RANBP2: variants seen among roughly 807,000 people sequenced by gnomAD.
RANBP2 encodes RAN binding protein 2, also known as E3 SUMO-protein ligase RanBP2.
A neutral mutation model predicts 303.6 loss-of-function variants in RANBP2; 57 were observed. That is an observed-to-expected ratio of 0.19 (90% CI 0.15 to 0.23). RANBP2 has a LOEUF of 0.23. RANBP2 is among the 10% of genes least tolerant of loss of function. The pLI, the probability that RANBP2 is intolerant of heterozygous loss-of-function variation, is 1.00. For synonymous variants in RANBP2, 1,167 were observed against 1,301.5 expected (o/e 0.90, Z 2.23); for missense variants, 3,138 against 3,780.8 (o/e 0.83, Z 4.46).
chr2:109,615,203 CG>C, the RANBP2 span: 1 of 1,547,054 alleles, frequency 6.5e-7, no homozygotes. Flanking sequence ...GCGGCAGAGG[CG>C]GGGGCGACTC....
At chr2:109,189,908 T>A in the RANBP2 span, among the ~76,000 whole-genome samples, 3 of 152,172 alleles carry the variant, frequency 2.0e-5, no homozygotes, top group East Asian at 5.8e-4. Context: ...TTTCTGCACT[T>A]GATTGCCTAA....
the RANBP2 span, chr2:108,884,677 T>A: frequency 6.6e-6 from 1 of 152,148 alleles, no homozygotes; most frequent in African/African-American, 2.4e-5. Context: ...ATGCCACAGC[T>A]CTCCTGGCAG....
At chr2:109,202,628 C>T in the RANBP2 span, among the ~76,000 whole-genome samples, 33 of 152,240 alleles carry the variant, frequency 2.2e-4, no homozygotes, top group African/African-American at 4.1e-4. Flanking sequence ...GGCGTCAGCC[C>T]GGCCCCAGGA....
the RANBP2 span, among the ~76,000 whole-genome samples, chr2:109,455,307 C>T: frequency 1.3e-5 from 2 of 152,110 alleles, no homozygotes; most frequent in Admixed American, 6.6e-5. Context: ...CACATTGGAC[C>T]CAGCCACAGC....
rs1231850597 is a variant in RANBP2 at position 108,720,280 on chromosome 2, C to G, written c.72+602C>G. ...TTTGTCGCTGTCCCTTTGTAAGGGT[C>G]CAGCTCCACTCCGCTCCTCATACTC... On this transcript the variant is annotated intron_variant, in intron 1 of 28. Transcript: ENST00000283195. The G allele has an allele frequency of 2.4e-5, 21 of 882,650 alleles. No homozygotes were observed. The East Asian group carries it at 5.8e-4, about 24-fold the overall frequency. 54.7% of individuals were successfully genotyped at this position (882,650 alleles called of 1,614,324 possible).
At chr2:109,075,371 C>A in the RANBP2 span, among the ~76,000 whole-genome samples, 1 of 149,872 alleles carries the variant, frequency 6.7e-6, no homozygotes, top group Non-Finnish European at 1.5e-5. Flanking sequence ...ATTACAGGCA[C>A]CTGCCACCAC....
the RANBP2 span, among the ~76,000 whole-genome samples, chr2:109,423,895 A>G: frequency 1.3e-5 from 2 of 152,220 alleles, no homozygotes; most frequent in African/African-American, 4.8e-5. Flanking sequence ...TGGGACCCCA[A>G]GCAGGTGGGG....
At chr2:108,987,122 C>A in the RANBP2 span, among the ~76,000 whole-genome samples, 28,911 of 152,044 alleles carry the variant, frequency 0.19, 2,922 homozygotes, top group Middle Eastern at 0.26. Flanking sequence ...TGCCAAACAC[C>A]ATCCTGTTTA....
At chr2:109,060,279 T>C in the RANBP2 span, among the ~76,000 whole-genome samples, 83 of 152,198 alleles carry the variant, frequency 5.5e-4, no homozygotes, top group African/African-American at 1.4e-3. Flanking sequence ...CATAAGGAAA[T>C]GAGCTGTTGG....
chr2:109,765,600 T>C, the RANBP2 span, among the ~76,000 whole-genome samples: 1 of 149,858 alleles, frequency 6.7e-6, no homozygotes. Context: ...GCATTTGAAA[T>C]GGGTCCTGGA....
the RANBP2 span, among the ~76,000 whole-genome samples, chr2:108,993,421 A>T: frequency 6.6e-6 from 1 of 152,216 alleles, no homozygotes; most frequent in Non-Finnish European, 1.5e-5. Context: ...TATGGATTCT[A>T]TTCCAAGTAT....
the RANBP2 span, among the ~76,000 whole-genome samples, chr2:108,861,865 T>C: frequency 6.6e-6 from 1 of 152,202 alleles, no homozygotes; most frequent in African/African-American, 2.4e-5. Flanking sequence ...CTGTTTTTAC[T>C]GTATCCTACA....
the RANBP2 span, among the ~76,000 whole-genome samples, chr2:108,890,128 CAT>C: frequency 1.1e-4 from 5 of 46,946 alleles, no homozygotes; most frequent in South Asian, 1.2e-3. Flanking sequence ...TCTTGGCTGA[CAT>C]TTTTTTTTTT....
the RANBP2 span, chr2:109,545,116 T>G: frequency 3.0e-6 from 3 of 985,282 alleles, no homozygotes; most frequent in African/African-American, 3.5e-5. Context: ...GTGAGAGCAT[T>G]AAACCAGATG....
At chr2:109,778,519 A>G in the RANBP2 span, among the ~76,000 whole-genome samples, 1 of 150,138 alleles carries the variant, frequency 6.7e-6, no homozygotes, top group East Asian at 1.9e-4. Flanking sequence ...CCAGCTAGAA[A>G]CATCTTTTTT....
At chr2:109,636,852 G>A in the RANBP2 span, among the ~76,000 whole-genome samples, 3 of 152,098 alleles carry the variant, frequency 2.0e-5, no homozygotes, top group Non-Finnish European at 4.4e-5. Flanking sequence ...GGGGTGGCCT[G>A]CCCCTCCACA....
the RANBP2 span, among the ~76,000 whole-genome samples, chr2:108,931,623 G>T: frequency 9.0e-3 from 1,369 of 152,330 alleles, 22 homozygotes; most frequent in African/African-American, 0.03. Flanking sequence ...TTAAGGGATT[G>T]AAGGGATTGA....
chr2:108,763,748 T>A lies in RANBP2; in HGVS notation c.3209T>A (p.Leu1070Gln). 6.2e-7 allele frequency: 1 copy of A among 1,614,116 alleles called. No homozygotes were observed. The highest frequency in any genetic ancestry group is 8.5e-7 in the Non-Finnish European group (1 of 1,179,968). ...YSNSESLLGL[L>Q]TSDKPLQGDG... ...AACAGTGAAAGCCTTTTAGGTCTCC[T>A]GACTTCAGATAAACCCTTGCAAGGA... The change falls in exon 20 of 29, where the codon CTG (leucine) becomes CAG (glutamine). Residue 1070 changes from leucine (L) to glutamine (Q), a missense_variant. By Grantham distance (113) the Leu-to-Gln change is moderately radical. This residue lies in a region of RANBP2 where 403 missense variants were observed against 376.7 expected (regional missense o/e 1.07). Coordinates refer to ENST00000283195, the MANE Select transcript of RANBP2 (RefSeq NM_006267.5).
At chr2:109,326,346 A>AGTT in the RANBP2 span, among the ~76,000 whole-genome samples, 1 of 151,792 alleles carries the variant, frequency 6.6e-6, no homozygotes, top group African/African-American at 2.4e-5. Flanking sequence ...TGGGTATTTC[A>AGTT]GTTGTTGTTG....
Sources: allele counts gnomAD v4.1 joint callset (sites outside exome capture counted in the v4.1 genomes callset), GRCh38; gene constraint gnomAD v4.1.1; regional missense constraint gnomAD v4.1.1; transcripts MANE v1.5; gene names NCBI Gene and HGNC (gene_info 2026-07-23, HGNC 2026-07-21).